Variants in TMEM74 observed in about 807,000 individuals in gnomAD.
TMEM74 encodes transmembrane protein 74.
TMEM74 carries 13 observed loss-of-function variants against 18.1 expected under a neutral mutation model. The observed-to-expected ratio is 0.72, with a 90% confidence interval of 0.47 to 1.14. The LOEUF is 1.14. Ranked by LOEUF, TMEM74 falls within the 50% of genes most tolerant of loss-of-function variation. TMEM74 has a pLI of 0.00. For missense variants in TMEM74, 372 were observed against 375.9 expected (o/e 0.99, Z 0.09); for synonymous variants, 159 against 146.6 (o/e 1.08, Z -0.61).
chr8:108,644,733 AC>A (rs1563739137), intron 2 of TMEM74, among the ~76,000 whole-genome samples: 1 of 152,226 alleles, frequency 6.6e-6, no homozygotes, highest in African/African-American at 2.4e-5. Context: ...ACAGTGGCCA[AC>A]AAACATATGA....
intron 2 of TMEM74, among the ~76,000 whole-genome samples, chr8:108,617,493 T>G (rs1812396637): frequency 6.6e-6 from 1 of 152,130 alleles, no homozygotes; most frequent in South Asian, 2.1e-4. Context: ...AAAGGGGACC[T>G]CCTGTCCATT....
chr8:108,698,716 T>C (rs1813305188), intron 1 of TMEM74, among the ~76,000 whole-genome samples: 1 of 152,232 alleles, frequency 6.6e-6, no homozygotes, highest in South Asian at 2.1e-4. Context: ...TCATACCCTC[T>C]GTCACATAGG....
At chr8:108,703,119 C>T (rs147926029) in intron 1 of TMEM74, among the ~76,000 whole-genome samples, 66 of 152,160 alleles carry the variant, frequency 4.3e-4, no homozygotes, top group African/African-American at 1.5e-3. Flanking sequence ...AGGTGGAATA[C>T]GTGATCTCTA....
In TMEM74 at chr8:108,784,720, A is replaced by C. The variant is rs763271361; in HGVS notation, c.379T>G (p.Ser127Ala). ...NINLEQRNRS[S>A]PSAKGHNHPG... ...TGATTATGCCCTTTTGCTGATGGCGAGCTCCGGTTCCGCTGCTCCAAGTTG... is the reference window on the plus strand; with the variant it reads ...TGATTATGCCCTTTTGCTGATGGCGCGCTCCGGTTCCGCTGCTCCAAGTTG... The change falls in exon 2 of 2, where the codon TCG becomes GCG. Residue 127 changes from serine to alanine, a missense_variant. By Grantham distance (99) the Ser-to-Ala change is moderately conservative. Transcript: ENST00000297459. 5 of 1,614,120 alleles carry C rather than the reference A, an allele frequency of 3.1e-6. No homozygotes were observed. Among genetic ancestry groups the C allele is most frequent in the Middle Eastern group, 1.6e-4 (1 of 6,062 alleles).
intron 1 of TMEM74, among the ~76,000 whole-genome samples, chr8:108,670,050 A>G (rs959436985): frequency 6.6e-6 from 1 of 151,850 alleles, no homozygotes. Context: ...AAAAAAAAAA[A>G]AAAAAAAGGC....
At chr8:108,699,145 T>TTTCCTTCCTTCC (rs150848011) in intron 1 of TMEM74, among the ~76,000 whole-genome samples, 78 of 68,776 alleles carry the variant, frequency 1.1e-3, no homozygotes, top group African/African-American at 3.7e-3. Flanking sequence ...CCCTCCCTCT[T>TTTCCTTCCTTCC]TTCCTTCCTT....
intron 1 of TMEM74, among the ~76,000 whole-genome samples, chr8:108,695,340 T>A (rs1448545257): frequency 6.6e-6 from 1 of 152,162 alleles, no homozygotes; most frequent in African/African-American, 2.4e-5. Flanking sequence ...AAGAAGTTAG[T>A]AAGGAGGTGT....
intron 1 of TMEM74, among the ~76,000 whole-genome samples, chr8:108,752,184 C>T (rs1048947161): frequency 1.1e-4 from 17 of 152,250 alleles, no homozygotes; most frequent in Non-Finnish European, 8.8e-5. Context: ...TGAAGCTGAA[C>T]TCTCTGGGTT....
chr8:108,676,468 C>T (rs1813057356), intron 1 of TMEM74, among the ~76,000 whole-genome samples: 1 of 152,104 alleles, frequency 6.6e-6, no homozygotes, highest in African/African-American at 2.4e-5. Flanking sequence ...TTCCCTCTGC[C>T]TAGGAGGCAT....
At chr8:108,678,587 G>T (rs1372312307) in intron 1 of TMEM74, among the ~76,000 whole-genome samples, 1 of 150,352 alleles carries the variant, frequency 6.7e-6, no homozygotes, top group Non-Finnish European at 1.5e-5. Flanking sequence ...TGGCCAGGCT[G>T]GTCTCGAAAT....
chr8:108,785,391 T>A (rs1443317133), intron 1 of TMEM74, among the ~76,000 whole-genome samples: 2 of 152,146 alleles, frequency 1.3e-5, no homozygotes, highest in African/African-American at 4.8e-5. Context: ...GAAGTGGCAG[T>A]GTCTACTGAG....
At chr8:108,744,819 T>C (rs910033669) in intron 1 of TMEM74, among the ~76,000 whole-genome samples, 1 of 152,152 alleles carries the variant, frequency 6.6e-6, no homozygotes, top group East Asian at 1.9e-4. Flanking sequence ...TACTTATGAG[T>C]GATCTGTGGA....
chr8:108,607,731 C>A (rs565620303), exon 4 of TMEM74: 2 of 152,134 alleles, frequency 1.3e-5, no homozygotes, highest in African/African-American at 4.8e-5. Context: ...TGGCATCAAT[C>A]CCAATCTTAC....
chr8:108,689,493 G>T (rs1256035931), intron 1 of TMEM74, among the ~76,000 whole-genome samples: 1 of 152,118 alleles, frequency 6.6e-6, no homozygotes, highest in Non-Finnish European at 1.5e-5. Context: ...CAGTAACTGT[G>T]CATCTAATTG....
intron 1 of TMEM74, among the ~76,000 whole-genome samples, chr8:108,672,773 G>A (rs1305650089): frequency 6.6e-6 from 1 of 152,178 alleles, no homozygotes; most frequent in Admixed American, 6.5e-5. Context: ...TCCTTCTGAT[G>A]TTCAAAGAAA....
chr8:108,617,011 A>G (rs990501259), intron 2 of TMEM74, among the ~76,000 whole-genome samples: 3 of 151,640 alleles, frequency 2.0e-5, no homozygotes. Context: ...CTATATATTT[A>G]TATATAGTGG....
At chr8:108,733,254 T>G (rs1272231655) in intron 1 of TMEM74, among the ~76,000 whole-genome samples, 1 of 152,164 alleles carries the variant, frequency 6.6e-6, no homozygotes, top group African/African-American at 2.4e-5. Flanking sequence ...ACCCAAGGTA[T>G]CTATCAACAG....
chr8:108,759,095 A>C lies in TMEM74; in HGVS notation n.119+28381T>G, dbSNP rs566462511. ...AAATCCATGTATTAGAAGTAACAGT[A>C]TTAAAAATTGTGGGAATAATAAATT... On this transcript the variant is annotated intron_variant and non_coding_transcript_variant, in intron 1 of 3. Transcript: ENST00000518838. Among the ~76,000 whole-genome samples the C allele has an allele frequency of 7.2e-4, 110 of 152,246 alleles. No homozygotes were observed. The South Asian group carries it at 0.022, about 30-fold the overall frequency.
intron 1 of TMEM74, among the ~76,000 whole-genome samples, chr8:108,661,978 C>T (rs1390763997): frequency 6.6e-6 from 1 of 152,126 alleles, no homozygotes; most frequent in East Asian, 1.9e-4. Flanking sequence ...TTACAATTTT[C>T]CATCTCTGAT....
Sources: gnomAD v4.1 joint callset for allele counts (sites outside exome capture counted in the v4.1 genomes callset) on GRCh38, gnomAD v4.1.1 for gene constraint, MANE v1.5 for transcripts, NCBI Gene and HGNC (gene_info 2026-07-23, HGNC 2026-07-21) for gene names.